Variants in DHX33 observed in about 807,000 individuals in gnomAD.
The protein encoded by DHX33 is ATP-dependent RNA helicase DHX33.
In DHX33, 42 loss-of-function variants were observed where a neutral mutation model predicts 72.5. That is an observed-to-expected ratio of 0.58 (90% CI 0.45 to 0.75). The LOEUF (loss-of-function observed/expected upper bound fraction) is 0.75, where lower values mean the gene tolerates loss of function less well. DHX33 is among the 30% of genes least tolerant of loss of function. The pLI is 0.00. For missense variants in DHX33, 842 were observed against 917.5 expected (o/e 0.92, Z 1.06); for synonymous variants, 358 against 366.1 (o/e 0.98, Z 0.25).
At chr17:5,445,066 GCT>G (rs1916596778) in intron 11 of DHX33, among the ~76,000 whole-genome samples, 14 of 151,368 alleles carry the variant, frequency 9.2e-5, no homozygotes, top group Admixed American at 9.2e-4. Context: ...TCCTCTCACC[GCT>G]CTTTTTCTTT....
chr17:5,462,323 A>AGGG lies in DHX33; in HGVS notation c.673_674insCCC (p.Pro224dup). 6.2e-7 allele frequency: 1 copy of AGGG among 1,613,492 alleles called. No homozygotes were observed. The highest frequency in any genetic ancestry group is 1.1e-5 in the South Asian group (1 of 91,052). ...CAGGGGAAGTTTCCCTCATACTTTCAGAGGAAGTTTCCCGAGTTCCTTTCT... is the reference window on the plus strand; with the variant it reads ...CAGGGGAAGTTTCCCTCATACTTTCAGGGGAGGAAGTTTCCCGAGTTCCTTTCT... On this transcript the variant is annotated inframe_insertion, in exon 3 of 12. Transcript: ENST00000225296.
chr17:5,451,181 T>C (rs1283803475), intron 8 of DHX33, among the ~76,000 whole-genome samples: 2 of 152,194 alleles, frequency 1.3e-5, no homozygotes, highest in African/African-American at 4.8e-5. Context: ...TCTCGGCTCA[T>C]TGCAGCCTCT....
intron 10 of DHX33, 66 bp downstream of exon 10, chr17:5,450,136 GA>G: frequency 1.9e-6 from 3 of 1,580,644 alleles, no homozygotes; most frequent in South Asian, 1.1e-5. Context: ...GGCTTCAGTA[GA>G]AAAAGGGAAG....
chr17:5,463,010 C>T (rs1306275406), intron 2 of DHX33, among the ~76,000 whole-genome samples: 5 of 151,658 alleles, frequency 3.3e-5, no homozygotes, highest in South Asian at 4.2e-4. Flanking sequence ...TGGTTGGAGG[C>T]GGAAGTTGCA....
At position 5,468,932 on chromosome 17, in the gene DHX33, G is replaced by A. The variant is rs1254363787; in HGVS notation, c.-73C>T. 6 of 1,494,542 alleles carry A rather than the reference G, an allele frequency of 4.0e-6. No homozygotes were observed. The highest frequency in any genetic ancestry group is 2.0e-5 in the Admixed American group (1 of 50,018). The allele number at this position is 1,494,542 out of a possible 1,614,324, so 92.6% of individuals were successfully genotyped here. ...CCCCTCTCAGGTGCAGACAACAGGAGCACACCGCCCCTTCCTCGCCGCCAC... is the reference window on the plus strand; with the variant it reads ...CCCCTCTCAGGTGCAGACAACAGGAACACACCGCCCCTTCCTCGCCGCCAC... On this transcript the variant is annotated 5_prime_UTR_variant, in exon 1 of 12. Coordinates refer to ENST00000225296, the MANE Select transcript of DHX33 (RefSeq NM_020162.4).
intron 4 of DHX33, among the ~76,000 whole-genome samples, chr17:5,459,190 C>A (rs1045413308): frequency 2.0e-5 from 3 of 152,058 alleles, no homozygotes; most frequent in African/African-American, 4.8e-5. Context: ...CAGAATGAGA[C>A]CCCGTCTCTA....
intron 6 of DHX33, 126 bp from the exon 7 acceptor site, chr17:5,454,106 C>T (rs1357757352): frequency 1.8e-6 from 2 of 1,116,646 alleles, no homozygotes; most frequent in Non-Finnish European, 2.5e-6. Flanking sequence ...TCAAGGCTAG[C>T]ACAATGGACA....
chr17:5,441,211 T>C lies in DHX33; in HGVS notation c.*2994A>G, dbSNP rs867302114. The C allele has an allele frequency of 2.0e-5, 3 of 152,162 alleles. No homozygotes were observed. Among genetic ancestry groups the C allele is most frequent in the African/African-American group, 4.8e-5 (2 of 41,422 alleles). The allele number at this position is 152,162 out of a possible 1,614,324, so 9.4% of individuals were successfully genotyped here. On this transcript the variant is annotated 3_prime_UTR_variant, in exon 12 of 12. Transcript: ENST00000225296. ...TTATATATGACAGTACAGTACATCA[T>C]CAGTTTCACCCACAGGGCAGAACTT...
chr17:5,468,402 G>A (rs1904973944), intron 1 of DHX33, among the ~76,000 whole-genome samples, 169 bp downstream of exon 1: 4 of 152,228 alleles, frequency 2.6e-5, no homozygotes, highest in Admixed American at 2.0e-4. Flanking sequence ...CGCCTCCAGG[G>A]CAGGGCTGCC....
At chr17:5,449,724 A>T (rs763056608) in intron 10 of DHX33, among the ~76,000 whole-genome samples, 26 of 152,336 alleles carry the variant, frequency 1.7e-4, no homozygotes, top group Non-Finnish European at 1.5e-4. Flanking sequence ...AGCTTGAGAC[A>T]CTGTGCCTGG....
At position 5,453,853 on chromosome 17, in the gene DHX33, CT is replaced by C; in HGVS notation, c.1274del (p.Lys425SerfsTer5). On this transcript the variant is annotated frameshift_variant, in exon 7 of 12. Coordinates refer to ENST00000225296, the MANE Select transcript of DHX33 (RefSeq NM_020162.4). LOFTEE classifies it high-confidence loss of function. ...TCTCTGGCACGGTCATCTTATCAAA[CT>C]TCTCAAACTCGTCCTCCGTGTAGAG... ...YRLYTEDEFE[K>X]FDKMTVPEIQ... is the part of the protein sequence containing the mutation. The C allele has an allele frequency of 1.2e-6, 2 of 1,614,096 alleles. No homozygotes were observed. The highest frequency in any genetic ancestry group is 8.5e-7 in the Non-Finnish European group (1 of 1,180,002).
Position 5,462,556 on chromosome 17 carries a change from G to C in DHX33, c.451-10C>G, listed in dbSNP as rs1348435906. ...GCACTGTATAGCCAACCTGTGCAGG[G>C]AAACAATTTATTCAGTCACCAAACA... On this transcript the variant is annotated splice_polypyrimidine_tract_variant and intron_variant, in intron 2 of 11. Coordinates refer to ENST00000225296, the MANE Select transcript of DHX33 (RefSeq NM_020162.4). 3.1e-6 allele frequency: 5 copies of C among 1,604,774 alleles called. No individual in the cohort carries two copies. The highest frequency in any genetic ancestry group is 2.6e-6 in the Non-Finnish European group (3 of 1,172,150).
In DHX33 at chr17:5,460,655, C is replaced by T. The variant is rs183227205; in HGVS notation, c.849+284G>A. ...CCGAGTAGCTGGGATTACAGGCACCCGCCATCATGCCTGGCTAATTTTTGT... is the reference window on the plus strand; with the variant it reads ...CCGAGTAGCTGGGATTACAGGCACCTGCCATCATGCCTGGCTAATTTTTGT... On this transcript the variant is annotated intron_variant, in intron 4 of 11. Coordinates refer to ENST00000225296, the MANE Select transcript of DHX33 (RefSeq NM_020162.4). 3.7e-4 allele frequency among the ~76,000 whole-genome samples: 56 copies of T among 152,122 alleles called. No homozygotes were observed. The East Asian group carries it at 6.4e-3, about 17-fold the overall frequency.
At chr17:5,461,384 C>T (rs372415665) in intron 3 of DHX33, 4 of 199,534 alleles carry the variant, frequency 2.0e-5, no homozygotes, top group African/African-American at 7.0e-5. Flanking sequence ...CTTTGGGAGG[C>T]CGAGGCAGGC....
Position 5,468,563 on chromosome 17 carries a change from C to T in DHX33, c.289+8G>A, listed in dbSNP as rs16954727. ...TGCAAGGAAGAGCCCGCCGGCGCGG[C>T]CACTCACCGATGAGGACCGCGTTGT... On this transcript the variant is annotated splice_region_variant and intron_variant, in intron 1 of 11. Transcript: ENST00000225296. 4 of 1,604,318 alleles carry T rather than the reference C, an allele frequency of 2.5e-6. No homozygotes were observed. The highest frequency in any genetic ancestry group is 1.1e-5 in the South Asian group (1 of 89,716).
At chr17:5,455,872 T>C in intron 5 of DHX33, 125 bp downstream of exon 5, 3 of 1,049,380 alleles carry the variant, frequency 2.9e-6, no homozygotes, top group Non-Finnish European at 4.1e-6. Context: ...CTCAGTGCGC[T>C]GATCTGGCAC....
Position 5,468,574 on chromosome 17 carries a change from T to C in DHX33, c.286A>G (p.Ile96Val), listed in dbSNP as rs1904984420. 6.2e-7 allele frequency: 1 copy of C among 1,607,206 alleles called. No homozygotes were observed. The highest frequency in any genetic ancestry group is 8.5e-7 in the Non-Finnish European group (1 of 1,177,740). The part of the protein sequence containing the change: ...QLRNLDNAVL[I>V]GETGSGKTTQ... ...GCCCGCCGGCGCGGCCACTCACCGA[T>C]GAGGACCGCGTTGTCCAGGTTTCGG... Residue 96 changes from isoleucine to valine, a missense_variant, in exon 1 of 12, where the codon ATC (isoleucine) becomes GTC (valine). By Grantham distance (29) the Ile-to-Val change is conservative. Coordinates refer to ENST00000225296, the MANE Select transcript of DHX33 (RefSeq NM_020162.4).
rs1917076108 is a variant in DHX33, at chr17:5,453,969, C to G, written c.1159G>C (p.Glu387Gln). Residue 387 changes from glutamate to glutamine, a missense_variant, in exon 7 of 12, where the codon GAG (glutamate) becomes CAG (glutamine). Physicochemically the swap from Glu to Gln is conservative, Grantham distance 29. Coordinates refer to ENST00000225296, the MANE Select transcript of DHX33 (RefSeq NM_020162.4). The stretch of plus-strand genomic sequence containing the variant: ...GATACCCGCTGCACTGCTAACACCT[C>G]AAGACCACTGTCTGGATGGAGAGTG... ...AKKYNPDSGL[E>Q]VLAVQRVSKT... The G allele has an allele frequency of 6.2e-7, 1 of 1,613,724 alleles. No individual in the cohort carries two copies. Among genetic ancestry groups the G allele is most frequent in the South Asian group, 1.1e-5 (1 of 91,056 alleles).
At position 5,444,333 on chromosome 17, in the gene DHX33, C is replaced by G; in HGVS notation, c.1996G>C (p.Val666Leu). The change falls in exon 12 of 12, where the codon GTC (valine) becomes CTC (leucine). Residue 666 changes from valine (V) to leucine (L), a missense_variant. By Grantham distance (32) the Val-to-Leu change is conservative. Transcript: ENST00000225296. The surrounding 1 kb of genome is among the most constrained non-coding windows in gnomAD (Gnocchi z 4.9). ...GTGTAGAGCAGCTCAGTGTACACGA[C>G]GCAGGCCGGCTTGCAGTGGAAGAGG... ...SVLFHCKPACVVYTELLYTNK... is the reference protein window; with the variant it reads ...SVLFHCKPACLVYTELLYTNK... 1 of 1,614,192 alleles carries G rather than the reference C, an allele frequency of 6.2e-7. No homozygotes were observed. The highest frequency in any genetic ancestry group is 1.1e-5 in the South Asian group (1 of 91,084).
Sources: allele counts gnomAD v4.1 joint callset (sites outside exome capture counted in the v4.1 genomes callset), GRCh38; gene constraint gnomAD v4.1.1; non-coding constraint Gnocchi (gnomAD v3.1); transcripts MANE v1.5; gene names NCBI Gene and HGNC (gene_info 2026-07-23, HGNC 2026-07-21).